Variants in MBD5 observed in about 807,000 individuals in gnomAD.
MBD5 encodes the protein methyl-CpG binding domain protein 5, also known as methyl-CpG-binding domain protein 5.
Under a neutral mutation model 117.3 loss-of-function variants are expected in MBD5, and 13 were observed. The ratio of observed to expected loss-of-function variants is 0.11; its 90% CI spans 0.07 to 0.18. The LOEUF is 0.18. MBD5 is among the 10% of genes least tolerant of loss of function. The pLI is 1.00. For missense variants in MBD5, 1,879 were observed against 2,093.8 expected, an observed-to-expected ratio of 0.90 and a Z score of 2.00; for synonymous variants, 727 against 766.4, an observed-to-expected ratio of 0.95 and a Z score of 0.85.
intron 3 of MBD5, among the ~76,000 whole-genome samples, chr2:148,326,086 G>T (rs566563747): frequency 6.6e-6 from 1 of 152,016 alleles, no homozygotes; most frequent in Admixed American, 6.6e-5. Context: ...CCTTCATTTC[G>T]TTATGTACCC....
chr2:148,198,855 T>G (rs1225129297), intron 2 of MBD5, among the ~76,000 whole-genome samples: 2 of 151,994 alleles, frequency 1.3e-5, no homozygotes, highest in Non-Finnish European at 2.9e-5. Flanking sequence ...TAGAGTAGCT[T>G]CTAATCTGGT....
At chr2:148,454,569 C>T (rs1277877962) in intron 4 of MBD5, among the ~76,000 whole-genome samples, 1 of 151,876 alleles carries the variant, frequency 6.6e-6, no homozygotes, top group African/African-American at 2.4e-5. Context: ...AGGAAATAAA[C>T]ATATTAAAAC....
intron 1 of MBD5, among the ~76,000 whole-genome samples, chr2:148,082,064 T>C (rs1695661003): frequency 6.6e-6 from 1 of 152,202 alleles, no homozygotes; most frequent in Admixed American, 6.5e-5. Context: ...TGCTGTTTTC[T>C]TCCATACTTA....
intron 4 of MBD5, among the ~76,000 whole-genome samples, chr2:148,399,686 C>A (rs1029166952): frequency 6.6e-6 from 1 of 152,098 alleles, no homozygotes; most frequent in African/African-American, 2.4e-5. Flanking sequence ...ACTTCCAACA[C>A]TATGTTGAAT....
chr2:148,354,431 C>A (rs1574325854), intron 4 of MBD5, among the ~76,000 whole-genome samples: 1 of 152,194 alleles, frequency 6.6e-6, no homozygotes, highest in Non-Finnish European at 1.5e-5. Flanking sequence ...CATGTCCCTG[C>A]AAAGGACATG....
chr2:148,043,480 T>C (rs1461009572), intron 1 of MBD5, among the ~76,000 whole-genome samples: 1 of 151,150 alleles, frequency 6.6e-6, no homozygotes, highest in Non-Finnish European at 1.5e-5. Flanking sequence ...AATAAATAAA[T>C]AAATAAAAGA....
intron 1 of MBD5, among the ~76,000 whole-genome samples, chr2:148,153,286 G>A (rs1014659582): frequency 2.6e-5 from 4 of 152,004 alleles, no homozygotes; most frequent in Non-Finnish European, 5.9e-5. Context: ...CTTCTGGCTT[G>A]TAGGGTTTCT....
intron 2 of MBD5, among the ~76,000 whole-genome samples, chr2:148,183,966 A>T (rs1434714248): frequency 6.6e-6 from 1 of 152,058 alleles, no homozygotes; most frequent in Admixed American, 6.5e-5. Context: ...AAAAAATAAA[A>T]TCCATGATGT....
At chr2:148,148,993 G>A (rs201824967) in intron 1 of MBD5, among the ~76,000 whole-genome samples, 524 of 151,898 alleles carry the variant, frequency 3.4e-3, no homozygotes, top group East Asian at 8.3e-3. Flanking sequence ...CATTGTGCAG[G>A]TTACTTACAT....
At position 148,285,019 on chromosome 2, in the gene MBD5, AAC is replaced by A. The variant is rs1170854914; in HGVS notation, c.-680+51628_-680+51629del. ...GTTATTACAGCCTTCCCCATGCAGA[AAC>A]ACAGCAGCAGACTAGGACCACAGCA... On this transcript the variant is annotated intron_variant, in intron 3 of 13. Transcript: ENST00000642680. Among the ~76,000 whole-genome samples the A allele has an allele frequency of 2.0e-5, 3 of 152,320 alleles. No individual in the cohort carries two copies. The East Asian group carries it at 5.8e-4, about 29-fold the overall frequency.
At chr2:148,049,413 T>G (rs1337644331) in intron 1 of MBD5, among the ~76,000 whole-genome samples, 1 of 152,196 alleles carries the variant, frequency 6.6e-6, no homozygotes, top group East Asian at 1.9e-4. Flanking sequence ...TTCTAGCTAG[T>G]TAGGACTATG....
At chr2:148,155,554 C>T (rs1466627755) in intron 1 of MBD5, among the ~76,000 whole-genome samples, 2 of 152,136 alleles carry the variant, frequency 1.3e-5, no homozygotes, top group Non-Finnish European at 2.9e-5. Flanking sequence ...GATTCCAACT[C>T]CTATGTTACT....
At chr2:148,291,462 C>T (rs964390374) in intron 3 of MBD5, among the ~76,000 whole-genome samples, 13 of 152,170 alleles carry the variant, frequency 8.5e-5, no homozygotes, top group Admixed American at 2.6e-4. Context: ...ATAGAATTTT[C>T]GATGGAATTG....
intron 4 of MBD5, among the ~76,000 whole-genome samples, chr2:148,361,095 G>GC (rs1703520265): frequency 6.6e-6 from 1 of 152,076 alleles, no homozygotes; most frequent in Non-Finnish European, 1.5e-5. Flanking sequence ...TGCCTATAAT[G>GC]CCAACACGTT....
At chr2:148,365,273 T>G (rs557189276) in intron 4 of MBD5, among the ~76,000 whole-genome samples, 6 of 152,024 alleles carry the variant, frequency 3.9e-5, no homozygotes, top group Non-Finnish European at 8.8e-5. Context: ...CAGAAATAAA[T>G]AAGTTCTTTG....
chr2:148,446,797 C>T lies in MBD5; in HGVS notation c.-556-11406C>T, dbSNP rs960556683. On this transcript the variant is annotated intron_variant, in intron 4 of 13. Transcript: ENST00000642680. ...TATTTTACCCAGGCTGAGGAAGAGC[C>T]TTGTCACACAGAATATGGTAATATC... Among the ~76,000 whole-genome samples, 9 of 152,052 alleles carry T rather than the reference C, an allele frequency of 5.9e-5. No homozygotes were observed. In the South Asian group the frequency reaches 1.9e-3, roughly 32 times the overall value.
intron 1 of MBD5, among the ~76,000 whole-genome samples, chr2:148,125,041 TA>T (rs1477133468): frequency 2.0e-5 from 3 of 151,824 alleles, no homozygotes; most frequent in Admixed American, 2.0e-4. Context: ...ACACACTTTT[TA>T]AACGTAAGAT....
At chr2:148,381,552 G>A (rs535194752) in intron 4 of MBD5, among the ~76,000 whole-genome samples, 2 of 152,278 alleles carry the variant, frequency 1.3e-5, no homozygotes, top group East Asian at 3.9e-4. Flanking sequence ...TTATCCAGGA[G>A]AACTTCCCCA....
chr2:148,184,406 T>TAGTAGGAAAGGGCAGA (rs1698603840), intron 2 of MBD5, among the ~76,000 whole-genome samples: 1 of 152,212 alleles, frequency 6.6e-6, no homozygotes, highest in Non-Finnish European at 1.5e-5. Flanking sequence ...TTCTTAGGTT[T>TAGTAGGAAAGGGCAGA]GAAGATTTCC....
Sources: gnomAD v4.1 joint callset for allele counts (sites outside exome capture counted in the v4.1 genomes callset) on GRCh38, gnomAD v4.1.1 for gene constraint, MANE v1.5 for transcripts, NCBI Gene and HGNC (gene_info 2026-07-23, HGNC 2026-07-21) for gene names.